The following LRRTM4 variants were observed in gnomAD, a reference collection of about 807,000 sequenced individuals.
LRRTM4 encodes the protein leucine rich repeat transmembrane neuronal 4.
A neutral mutation model predicts 47.6 loss-of-function variants in LRRTM4; 25 were observed. The observed-to-expected ratio is 0.53, with a 90% CI of 0.38 to 0.73. The LOEUF (loss-of-function observed/expected upper bound fraction) is 0.73. LRRTM4 is among the 30% of genes least tolerant of loss of function. The pLI, the probability that LRRTM4 is intolerant of heterozygous loss-of-function variation, is 0.00. For missense variants in LRRTM4, 638 were observed against 713.4 expected (o/e 0.89, Z 1.20); for synonymous variants, 311 against 269.5 (o/e 1.15, Z -1.51).
intron 3 of LRRTM4, among the ~76,000 whole-genome samples, chr2:76,906,446 C>A (rs1573292661): frequency 6.6e-6 from 1 of 151,772 alleles, no homozygotes; most frequent in South Asian, 2.1e-4. Flanking sequence ...AACTAACGAG[C>A]AAAATAACCA....
At chr2:77,492,327 A>G (rs1678200016) in intron 3 of LRRTM4, among the ~76,000 whole-genome samples, 1 of 151,974 alleles carries the variant, frequency 6.6e-6, no homozygotes, top group African/African-American at 2.4e-5. Context: ...TGGCATGAAC[A>G]TAGCTGACTG....
intron 3 of LRRTM4, among the ~76,000 whole-genome samples, chr2:77,431,851 G>A (rs372492052): frequency 6.9e-6 from 1 of 144,084 alleles, no homozygotes; most frequent in Non-Finnish European, 1.5e-5. Context: ...TGAGGAGGGC[G>A]GATCATGAGG....
chr2:76,894,377 T>C (rs1410025842), intron 3 of LRRTM4, among the ~76,000 whole-genome samples: 1 of 152,086 alleles, frequency 6.6e-6, no homozygotes, highest in Admixed American at 6.6e-5. Context: ...TACTGACTCA[T>C]ATAATCTACT....
chr2:77,128,154 C>CAA (rs1671701797), intron 3 of LRRTM4, among the ~76,000 whole-genome samples: 1 of 126,118 alleles, frequency 7.9e-6, no homozygotes, highest in African/African-American at 3.3e-5. Flanking sequence ...AAAAAAAAAA[C>CAA]AAAACAAAAC....
intron 3 of LRRTM4, among the ~76,000 whole-genome samples, chr2:76,918,190 T>C (rs1334496551): frequency 2.0e-5 from 3 of 152,236 alleles, no homozygotes; most frequent in African/African-American, 7.2e-5. Flanking sequence ...AAATATACTT[T>C]CATGAAAAAT....
chr2:77,106,582 AAAAAGATATAAACACTTGTAG>A (rs1671097802), intron 3 of LRRTM4, among the ~76,000 whole-genome samples: 1 of 152,146 alleles, frequency 6.6e-6, no homozygotes, highest in Admixed American at 6.6e-5. Context: ...TATAAGGCTA[AAAAAGATATAAACACTTGTAG>A]TGAGATAGAC....
Position 77,152,662 on chromosome 2 carries a change from TAGAG to T in LRRTM4, c.1551+365652_1551+365655del, listed in dbSNP as rs377666369. Among the ~76,000 whole-genome samples the T allele has an allele frequency of 1.6e-3, 236 of 152,240 alleles. 1 individual carries two copies. The highest frequency in any genetic ancestry group is 5.3e-3 in the African/African-American group (221 of 41,540). Reference sequence around the variant, plus strand: ...TATCTTAGTTTCTTCATTCACTAAATAGAGATAGTAATTATACTTCAAGGGTTTT... The same window carrying T: ...TATCTTAGTTTCTTCATTCACTAAATATAGTAATTATACTTCAAGGGTTTT... On this transcript the variant is annotated intron_variant, in intron 3 of 3. Transcript: ENST00000409884.
intron 3 of LRRTM4, among the ~76,000 whole-genome samples, chr2:77,415,039 T>C (rs1234238638): frequency 1.3e-5 from 2 of 152,178 alleles, no homozygotes; most frequent in East Asian, 3.9e-4. Flanking sequence ...ATGGTAGTGA[T>C]TTAGGAAGGA....
At chr2:76,776,129 T>A (rs939020630) in intron 3 of LRRTM4, among the ~76,000 whole-genome samples, 13 of 152,242 alleles carry the variant, frequency 8.5e-5, no homozygotes, top group African/African-American at 3.1e-4. Context: ...GGTGTATATG[T>A]CCCACATTTT....
At chr2:77,081,777 A>T (rs1680542475) in intron 3 of LRRTM4, among the ~76,000 whole-genome samples, 2 of 152,172 alleles carry the variant, frequency 1.3e-5, no homozygotes, top group South Asian at 4.1e-4. Context: ...AAAACTGTTT[A>T]ACTTTCTTGC....
At chr2:76,791,760 C>T (rs976046000) in intron 3 of LRRTM4, among the ~76,000 whole-genome samples, 9 of 152,162 alleles carry the variant, frequency 5.9e-5, no homozygotes, top group Non-Finnish European at 1.2e-4. Context: ...AGATATACAG[C>T]AGATAGGCTG....
chr2:76,822,447 AG>A (rs1400228627), intron 3 of LRRTM4, among the ~76,000 whole-genome samples: 2 of 151,368 alleles, frequency 1.3e-5, no homozygotes, highest in Admixed American at 6.6e-5. Context: ...TGTTTCCTAA[AG>A]AAAAAACTAG....
At chr2:76,904,908 G>C (rs112226932) in intron 3 of LRRTM4, among the ~76,000 whole-genome samples, 2 of 152,186 alleles carry the variant, frequency 1.3e-5, no homozygotes, top group Non-Finnish European at 2.9e-5. Context: ...TGGCCAAATA[G>C]GAACAGCTTC....
intron 3 of LRRTM4, among the ~76,000 whole-genome samples, chr2:77,371,291 A>T (rs901614959): frequency 2.0e-5 from 3 of 151,768 alleles, no homozygotes; most frequent in Non-Finnish European, 2.9e-5. Flanking sequence ...ACCATCATAG[A>T]ACCATTTGTA....
intron 3 of LRRTM4, among the ~76,000 whole-genome samples, chr2:77,480,867 A>AGAGAGAGAGAGAT (rs1265945053): frequency 1.4e-5 from 1 of 73,326 alleles, no homozygotes; most frequent in Non-Finnish European, 3.0e-5. Context: ...GAGAGAGAGA[A>AGAGAGAGAGAGAT]ATAGCTCTCA....
intron 3 of LRRTM4, among the ~76,000 whole-genome samples, chr2:77,097,248 T>C (rs1670835324): frequency 1.3e-5 from 2 of 151,984 alleles, no homozygotes; most frequent in African/African-American, 4.8e-5. Flanking sequence ...TTAATAATTA[T>C]AATTCAGACA....
At chr2:77,473,945 G>A (rs1390854288) in intron 3 of LRRTM4, among the ~76,000 whole-genome samples, 1 of 152,068 alleles carries the variant, frequency 6.6e-6, no homozygotes, top group East Asian at 1.9e-4. Context: ...TGGCAATTTA[G>A]CACGTGTTCT....
At chr2:77,096,698 G>A (rs930222492) in intron 3 of LRRTM4, among the ~76,000 whole-genome samples, 1 of 151,478 alleles carries the variant, frequency 6.6e-6, no homozygotes, top group Non-Finnish European at 1.5e-5. Flanking sequence ...ATATTAGCAT[G>A]TTAATAGTAA....
At chr2:76,837,608 A>G (rs1459593339) in intron 3 of LRRTM4, among the ~76,000 whole-genome samples, 8 of 152,134 alleles carry the variant, frequency 5.3e-5, no homozygotes, top group African/African-American at 1.4e-4. Flanking sequence ...AGGATTATAA[A>G]TCATGCTGCT....
Sources: gnomAD v4.1 joint callset for allele counts (sites outside exome capture counted in the v4.1 genomes callset) on GRCh38, gnomAD v4.1.1 for gene constraint, MANE v1.5 for transcripts, NCBI Gene and HGNC (gene_info 2026-07-23, HGNC 2026-07-21) for gene names.